KIF14: variants seen among roughly 807,000 people sequenced by gnomAD.
The protein encoded by KIF14 is kinesin-like protein KIF14.
A neutral mutation model predicts 176.2 loss-of-function variants in KIF14; 98 were observed. The observed-to-expected ratio is 0.56, with a 90% CI of 0.47 to 0.66. KIF14 has a LOEUF of 0.66. Among genes scored for constraint, KIF14 ranks in the 30% least tolerant of loss-of-function variants. KIF14 has a pLI of 0.00. For synonymous variants in KIF14, 566 were observed against 632.2 expected, an observed-to-expected ratio of 0.90 and a Z score of 1.57; for missense variants, 1,751 against 1,920.4, an observed-to-expected ratio of 0.91 and a Z score of 1.65.
In KIF14 at chr1:200,593,742, C is replaced by T. The variant is rs1319977556; in HGVS notation, c.2577G>A (p.Val859=). 6.2e-7 allele frequency: 1 copy of T among 1,611,380 alleles called. No individual in the cohort carries two copies. Among genetic ancestry groups the T allele is most frequent in the Admixed American group, 1.7e-5 (1 of 59,988 alleles). ...HCTIKNFGGT[V]SIIPVGEAKT... is the part of the protein sequence containing the mutation. Reference sequence around the variant, plus strand: ...TTGCTTCCCCAACTGGGATAATACTCACTGTCCCACCAAAATTTTTGATAG... The same window carrying T: ...TTGCTTCCCCAACTGGGATAATACTTACTGTCCCACCAAAATTTTTGATAG... Residue 859 remains valine (V), a synonymous_variant, in exon 15 of 30, where the codon GTG becomes GTA. Coordinates refer to ENST00000367350, the MANE Select transcript of KIF14 (RefSeq NM_014875.3).
chr1:200,567,265 G>A (rs1436003633), intron 23 of KIF14, among the ~76,000 whole-genome samples: 1 of 151,986 alleles, frequency 6.6e-6, no homozygotes, highest in Non-Finnish European at 1.5e-5. Context: ...AAACCGGCCG[G>A]GCACGGTGGC....
At chr1:200,605,247 A>C in intron 8 of KIF14, 36 bp downstream of exon 8, 1 of 1,551,716 alleles carries the variant, frequency 6.4e-7, no homozygotes, top group Non-Finnish European at 8.8e-7. Flanking sequence ...ACCAGGGTGA[A>C]AACTGAAAGA....
intron 9 of KIF14, 114 bp from the exon 10 acceptor site, chr1:200,603,455 C>CT (rs918783293): frequency 5.7e-4 from 341 of 597,196 alleles, no homozygotes; most frequent in Middle Eastern, 8.4e-4. Context: ...TTTTTACTTT[C>CT]TTTTTTTTTG....
At chr1:200,579,137 C>A (rs1658303989) in intron 21 of KIF14, among the ~76,000 whole-genome samples, 1 of 151,916 alleles carries the variant, frequency 6.6e-6, no homozygotes, top group Non-Finnish European at 1.5e-5. Flanking sequence ...ATACTTTACC[C>A]ATAAAGAAAC....
rs1225882018 is a variant in KIF14 at position 200,552,924 on chromosome 1, T to C, written c.*464A>G. 1 of 9,120 alleles carries C rather than the reference T, an allele frequency of 1.1e-4. No individual in the cohort carries two copies. The highest frequency in any genetic ancestry group is 7.1e-4 in the Admixed American group (1 of 1,418). 0.6% of individuals were successfully genotyped at this position (9,120 alleles called of 1,614,324 possible). A position where few individuals can be genotyped will look rare whatever the true frequency, so the allele number is the denominator to read the frequency against. On this transcript the variant is annotated 3_prime_UTR_variant, in exon 30 of 30. Transcript: ENST00000367350. ...TAAAGATAAAAATATATTTTATTTA[T>C]TTATTTATTTATTTATTTATTTATT...
chr1:200,619,504 C>T (rs922493306), intron 1 of KIF14, among the ~76,000 whole-genome samples: 1 of 152,158 alleles, frequency 6.6e-6, no homozygotes, highest in African/African-American at 2.4e-5. Flanking sequence ...AGGCGCCCAC[C>T]ACCATGCCCA....
At chr1:200,600,524 G>A (rs780058373) in intron 11 of KIF14, 21 bp from the exon 12 acceptor site, 1 of 1,553,674 alleles carries the variant, frequency 6.4e-7, no homozygotes, top group South Asian at 1.1e-5. Context: ...ATACAAAGAT[G>A]CATTAATAAT....
chr1:200,594,110 A>G (rs1181336400), intron 14 of KIF14, among the ~76,000 whole-genome samples: 1 of 151,414 alleles, frequency 6.6e-6, no homozygotes, highest in Non-Finnish European at 1.5e-5. Flanking sequence ...TAATGTTTGC[A>G]TTTTAGTAGA....
intron 9 of KIF14, 108 bp from the exon 10 acceptor site, chr1:200,603,449 TA>T: frequency 1.6e-6 from 1 of 625,968 alleles, no homozygotes; most frequent in South Asian, 2.0e-5. Context: ...AATACTTTTT[TA>T]CTTTCTTTTT....
At chr1:200,619,749 G>C (rs1660596336) in intron 1 of KIF14, among the ~76,000 whole-genome samples, 1 of 152,214 alleles carries the variant, frequency 6.6e-6, no homozygotes, top group Non-Finnish European at 1.5e-5. Context: ...AGTACGATAA[G>C]TACTGTAAAT....
chr1:200,575,001 G>A (rs1009588729), intron 22 of KIF14, among the ~76,000 whole-genome samples: 5 of 144,830 alleles, frequency 3.5e-5, no homozygotes, highest in South Asian at 2.2e-4. Flanking sequence ...GGAGTGCAGC[G>A]GCTGGAGTGC....
At chr1:200,569,294 C>T (rs1657649726) in intron 23 of KIF14, among the ~76,000 whole-genome samples, 1 of 151,802 alleles carries the variant, frequency 6.6e-6, no homozygotes, top group Admixed American at 6.6e-5. Flanking sequence ...AGTGTATCCT[C>T]TCCTCCTACA....
chr1:200,602,534 G>A (rs1659677011), intron 10 of KIF14, among the ~76,000 whole-genome samples: 1 of 152,126 alleles, frequency 6.6e-6, no homozygotes, highest in African/African-American at 2.4e-5. Context: ...CAGAATGAAT[G>A]TCACTATTTT....
chr1:200,557,238 G>A (rs1460269916), intron 27 of KIF14, among the ~76,000 whole-genome samples: 2 of 152,086 alleles, frequency 1.3e-5, no homozygotes, highest in African/African-American at 2.4e-5. Flanking sequence ...TCTTGATCTC[G>A]TGATCCGCCC....
At chr1:200,606,902 C>A in intron 5 of KIF14, 104 bp from the exon 6 acceptor site, 8 of 929,214 alleles carry the variant, frequency 8.6e-6, no homozygotes, top group African/African-American at 1.7e-5. Flanking sequence ...AGAGATTTGT[C>A]TTTATTTTAT....
chr1:200,576,432 C>T (rs1277304482), intron 21 of KIF14, among the ~76,000 whole-genome samples: 6 of 146,584 alleles, frequency 4.1e-5, no homozygotes, highest in Non-Finnish European at 8.9e-5. Context: ...GAGCCGAGAT[C>T]GCGCCACTGC....
intron 22 of KIF14, 30 bp from the exon 23 acceptor site, chr1:200,570,035 G>T: frequency 2.9e-6 from 3 of 1,052,238 alleles, no homozygotes; most frequent in Non-Finnish European, 4.3e-6. Context: ...AAGATTAGCA[G>T]TTCTATACCA....
At position 200,575,605 on chromosome 1, in the gene KIF14, T is replaced by C; in HGVS notation, c.3552A>G (p.Ser1184=). 1 of 1,580,222 alleles carries C rather than the reference T, an allele frequency of 6.3e-7. No homozygotes were observed. The highest frequency in any genetic ancestry group is 8.6e-7 in the Non-Finnish European group (1 of 1,159,718). Reference sequence around the variant, plus strand: ...ATTGTCTTTACCTCCTTCTAGAAAGTGAAGAAACTGGTGCATCTGTAATGT... The same window carrying C: ...ATTGTCTTTACCTCCTTCTAGAAAGCGAAGAAACTGGTGCATCTGTAATGT... ...EPDITDAPVS[S]LSRRRSRSLM... The change falls in exon 22 of 30, where the codon TCA becomes TCG. Residue 1184 remains serine (S), a synonymous_variant. Coordinates refer to ENST00000367350, the MANE Select transcript of KIF14 (RefSeq NM_014875.3).
chr1:200,609,201 T>C (rs1660032228), intron 4 of KIF14, among the ~76,000 whole-genome samples: 1 of 152,000 alleles, frequency 6.6e-6, no homozygotes, highest in South Asian at 2.1e-4. Flanking sequence ...GAAAAACAAC[T>C]TCACACCCAC....
Sources: allele counts gnomAD v4.1 joint callset (sites outside exome capture counted in the v4.1 genomes callset), GRCh38; gene constraint gnomAD v4.1.1; transcripts MANE v1.5; gene names NCBI Gene and HGNC (gene_info 2026-07-23, HGNC 2026-07-21).